CFAP46: variants seen among roughly 807,000 people sequenced by gnomAD.
CFAP46 encodes cilia- and flagella-associated protein 46.
CFAP46 carries 245 observed loss-of-function variants against 325.7 expected under a neutral mutation model. That is an observed-to-expected ratio of 0.75 (90% CI 0.68 to 0.84). The LOEUF is 0.84. Among genes scored for constraint, CFAP46 ranks in the 40% least tolerant of loss-of-function variants. The probability of loss-of-function intolerance (pLI) is 0.00; values close to 1 mark genes in which losing one functional copy is unlikely to be tolerated. For synonymous variants in CFAP46, 1,523 were observed against 1,495.9 expected, an observed-to-expected ratio of 1.02 and a Z score of -0.42; for missense variants, 3,346 against 3,543.0, an observed-to-expected ratio of 0.94 and a Z score of 1.41.
intron 26 of CFAP46, among the ~76,000 whole-genome samples, chr10:132,885,487 C>T (rs1849109027): frequency 6.6e-6 from 1 of 151,932 alleles, no homozygotes; most frequent in Non-Finnish European, 1.5e-5. Flanking sequence ...GTTTTCAGTC[C>T]CCGCTCTCCC....
At chr10:132,888,923 A>C (rs1849217829) in intron 25 of CFAP46, among the ~76,000 whole-genome samples, 1 of 151,228 alleles carries the variant, frequency 6.6e-6, no homozygotes, top group African/African-American at 2.4e-5. Flanking sequence ...TGCCACCCCC[A>C]CTGGCCCTGC....
chr10:132,900,413 C>T (rs1176407852), intron 22 of CFAP46, among the ~76,000 whole-genome samples: 1 of 152,256 alleles, frequency 6.6e-6, no homozygotes, highest in Non-Finnish European at 1.5e-5. Flanking sequence ...GGATTCTCGC[C>T]ATGGATGGGG....
rs751660184 is a variant in CFAP46 at position 132,851,173 on chromosome 10, C to G, written c.5707G>C (p.Glu1903Gln). ...HGQQSEQGSL[E>Q]KLLADYLQNT... ...TGCAGATAGTCCGCCAGCAGCTTCT[C>G]CAGGGACCCCTGCTCACTCTGCTGC... Residue 1903 changes from glutamate to glutamine, a missense_variant, in exon 40 of 58, where the codon GAG becomes CAG. Coordinates refer to ENST00000368586, the MANE Select transcript of CFAP46 (RefSeq NM_001200049.3). The G allele has an allele frequency of 3.1e-6, 5 of 1,614,010 alleles. No homozygotes were observed. The African/African-American group carries it at 5.3e-5, about 17-fold the overall frequency.
chr10:132,925,712 G>T (rs1849799859), intron 10 of CFAP46, among the ~76,000 whole-genome samples: 1 of 152,258 alleles, frequency 6.6e-6, no homozygotes. Context: ...GCAGACCCAG[G>T]AGCAAGTCCA....
rs1250545870 is a variant in CFAP46, at chr10:132,810,985, G to A, written c.7548C>T (p.Ser2516=). The part of the protein sequence containing the change: ...VLLDLARSYQ[S]LKRHMESVEH... Reference sequence around the variant, plus strand: ...CCACGCTCTCCATGTGCCTCTTCAAGCTCTGGTAGGACCGCGCCAGGTCCA... The same window carrying A: ...CCACGCTCTCCATGTGCCTCTTCAAACTCTGGTAGGACCGCGCCAGGTCCA... Residue 2516 remains serine (S), a synonymous_variant, in exon 56 of 58, where the codon AGC becomes AGT. Coordinates refer to ENST00000368586, the MANE Select transcript of CFAP46 (RefSeq NM_001200049.3). 16 of 1,607,974 alleles carry A rather than the reference G, an allele frequency of 1.0e-5. No individual in the cohort carries two copies. The highest frequency in any genetic ancestry group is 1.7e-5 in the Admixed American group (1 of 59,502).
Position 132,885,102 on chromosome 10 carries a change from C to T in CFAP46, c.3627+1G>A, listed in dbSNP as rs530992850. ...GTGCACCCACGCTTACGGCTTCACA[C>T]CTGCAAGGCCTGGATGGCGTTGTTG... On this transcript the variant is annotated splice_donor_variant, in intron 27 of 57. Transcript: ENST00000368586. LOFTEE classifies it high-confidence loss of function. 2.6e-6 allele frequency: 4 copies of T among 1,543,674 alleles called. No homozygotes were observed. The East Asian group carries it at 7.4e-5, about 28-fold the overall frequency.
rs1564771027 is a variant in CFAP46, at chr10:132,833,350, GT to G, written c.7117+7del. 7 of 1,612,434 alleles carry G rather than the reference GT, an allele frequency of 4.3e-6. No homozygotes were observed. The highest frequency in any genetic ancestry group is 5.9e-6 in the Non-Finnish European group (7 of 1,178,866). The stretch of plus-strand genomic sequence containing the variant: ...TTACACATTAAGGTGGCTGAGGGCA[GT>G]TCCTACCTGTCTCTTCTTTATGGAG... On this transcript the variant is annotated splice_region_variant and intron_variant, in intron 50 of 57. Transcript: ENST00000368586.
In CFAP46 at chr10:132,913,142, T is replaced by C; in HGVS notation, c.2237A>G (p.Asn746Ser). ...GGCCAGGATCAGGTGGTGGTTGTGG[T>C]TCAGGACGTAGACCACGGCGTTCTG... ...IVQNAVVYVLNHNHHLILAGR... is the reference protein window; with the variant it reads ...IVQNAVVYVLSHNHHLILAGR... The change falls in exon 18 of 58, where the codon AAC becomes AGC. Residue 746 changes from asparagine to serine, a missense_variant. By Grantham distance (46) the Asn-to-Ser change is conservative. Transcript: ENST00000368586. 1 of 1,550,386 alleles carries C rather than the reference T, an allele frequency of 6.5e-7. No individual in the cohort carries two copies. The highest frequency in any genetic ancestry group is 8.7e-7 in the Non-Finnish European group (1 of 1,146,978).
chr10:132,887,259 TTC>T lies in CFAP46; in HGVS notation c.3305-1302_3305-1301del, dbSNP rs564258177. On this transcript the variant is annotated intron_variant, in intron 25 of 57. Transcript: ENST00000368586. The stretch of plus-strand genomic sequence containing the variant: ...TCCCCTCTTCTCTCTCCTCTCTCGC[TTC>T]TCTCTCTCCTCTCCTCTCTCCTCCC... Among the ~76,000 whole-genome samples the T allele has an allele frequency of 3.8e-3, 362 of 96,002 alleles. 3 individuals carry two copies. The highest frequency in any genetic ancestry group is 0.015 in the Middle Eastern group (2 of 136). The allele number at this position is 96,002 out of a possible 152,430, so 63.0% of individuals were successfully genotyped here.
In CFAP46 at chr10:132,860,860, A is replaced by G; in HGVS notation, c.5013T>C (p.Ser1671=). Residue 1671 remains serine, a synonymous_variant, in exon 36 of 58, where the codon AGT becomes AGC. Transcript: ENST00000368586. ...MIAQAQHLGG[S]EEFWYNSTLT... ...GAGTGGAATTGTACCAGAACTCCTC[A>G]CTTCCGCCCAGGTGCTGGGCCTGTG... The G allele has an allele frequency of 6.4e-7, 1 of 1,550,976 alleles. No individual in the cohort carries two copies. Among genetic ancestry groups the G allele is most frequent in the South Asian group, 1.2e-5 (1 of 84,054 alleles).
chr10:132,863,689 T>C (rs930735480), intron 35 of CFAP46, among the ~76,000 whole-genome samples: 1 of 141,198 alleles, frequency 7.1e-6, no homozygotes, highest in Non-Finnish European at 1.5e-5. Flanking sequence ...GAGACCTGCA[T>C]GCACACATCT....
intron 25 of CFAP46, among the ~76,000 whole-genome samples, chr10:132,887,398 T>C (rs1367037335): frequency 1.2e-5 from 1 of 83,894 alleles, no homozygotes; most frequent in Admixed American, 1.1e-4. Flanking sequence ...CCTCTCTCGC[T>C]TCTCTCTCTC....
chr10:132,840,496 T>C (rs1299161413), intron 44 of CFAP46, among the ~76,000 whole-genome samples: 2 of 152,248 alleles, frequency 1.3e-5, no homozygotes, highest in African/African-American at 2.4e-5. Context: ...TTATTGTTGT[T>C]GTCCAGCTTC....
chr10:132,927,969 A>C (rs942618613), intron 9 of CFAP46, among the ~76,000 whole-genome samples: 1 of 152,166 alleles, frequency 6.6e-6, no homozygotes, highest in African/African-American at 2.4e-5. Context: ...GGCCTGAGGG[A>C]TGGGCAGAGG....
intron 41 of CFAP46, among the ~76,000 whole-genome samples, chr10:132,849,425 G>C (rs549507523): frequency 1.3e-5 from 2 of 152,192 alleles, no homozygotes; most frequent in Non-Finnish European, 2.9e-5. Flanking sequence ...TGGCGTGGTT[G>C]CTCCAGTCCC....
Position 132,832,392 on chromosome 10 carries a change from C to CG in CFAP46, c.7117+965_7117+966insC, listed in dbSNP as rs1848162279. Among the ~76,000 whole-genome samples, 2 of 138,372 alleles carry CG rather than the reference C, an allele frequency of 1.4e-5. No homozygotes were observed. The highest frequency in any genetic ancestry group is 5.4e-5 in the African/African-American group (2 of 36,948). 90.8% of individuals were successfully genotyped at this position (138,372 alleles called of 152,430 possible). ...GGAGACCCCTGGGCTCTTCCTGCCC[C>CG]CCCCCCCCAATGCTGTGGCCTGGAA... On this transcript the variant is annotated intron_variant, in intron 50 of 57. Coordinates refer to ENST00000368586, the MANE Select transcript of CFAP46 (RefSeq NM_001200049.3). This position sits in a 1 kb window ranked among gnomAD's most constrained non-coding sequence, Gnocchi z 4.1.
chr10:132,851,708 C>T (rs12412595), intron 39 of CFAP46, among the ~76,000 whole-genome samples: 53,452 of 151,678 alleles, frequency 0.35, 10,355 homozygotes, highest in Admixed American at 0.51. Flanking sequence ...CTCTCACAGC[C>T]GGCGTCGGTG....
At position 132,832,366 on chromosome 10, in the gene CFAP46, C is replaced by A. The variant is rs770531193; in HGVS notation, c.7117+992G>T. On this transcript the variant is annotated intron_variant, in intron 50 of 57. Transcript: ENST00000368586. The surrounding 1 kb of genome is among the most constrained non-coding windows in gnomAD (Gnocchi z 4.1). ...CTCCAAACTGTCTGTCCTCAACTTGCGGAGACCCCTGGGCTCTTCCTGCCC... is the reference window on the plus strand; with the variant it reads ...CTCCAAACTGTCTGTCCTCAACTTGAGGAGACCCCTGGGCTCTTCCTGCCC... 2.7e-5 allele frequency among the ~76,000 whole-genome samples: 4 copies of A among 145,932 alleles called. No individual in the cohort carries two copies. The highest frequency in any genetic ancestry group is 6.9e-5 in the Admixed American group (1 of 14,444).
intron 10 of CFAP46, among the ~76,000 whole-genome samples, chr10:132,925,632 G>A (rs138796936): frequency 1.3e-5 from 2 of 152,374 alleles, no homozygotes; most frequent in South Asian, 2.1e-4. Context: ...CTCATTAAGC[G>A]CCTACCACGT....
Sources: allele counts gnomAD v4.1 joint callset (sites outside exome capture counted in the v4.1 genomes callset), GRCh38; gene constraint gnomAD v4.1.1; non-coding constraint Gnocchi (gnomAD v3.1); transcripts MANE v1.5; gene names NCBI Gene and HGNC (gene_info 2026-07-23, HGNC 2026-07-21).